UGGT1: variants seen among roughly 807,000 people sequenced by gnomAD.
UGGT1 encodes the protein UDP-glucose glycoprotein glucosyltransferase 1, also known as UDP-glucose:glycoprotein glucosyltransferase 1.
A neutral mutation model predicts 203.9 loss-of-function variants in UGGT1; 107 were observed. The ratio of observed to expected loss-of-function variants is 0.52; its 90% CI spans 0.45 to 0.62. The LOEUF (loss-of-function observed/expected upper bound fraction) is 0.62. Among genes scored for constraint, UGGT1 ranks in the 20% least tolerant of loss-of-function variants. The probability of loss-of-function intolerance (pLI) is 0.00; values close to 1 mark genes in which losing one functional copy is unlikely to be tolerated. For missense variants in UGGT1, 1,673 were observed against 1,867.2 expected, an observed-to-expected ratio of 0.90 and a Z score of 1.92; for synonymous variants, 628 against 653.5, an observed-to-expected ratio of 0.96 and a Z score of 0.59.
At chr2:128,182,925 T>C (rs74539218) in intron 37 of UGGT1, among the ~76,000 whole-genome samples, 1 of 150,716 alleles carries the variant, frequency 6.6e-6, no homozygotes, top group Admixed American at 6.6e-5. Flanking sequence ...TTTTTTTTTT[T>C]TTACTTAATG....
At chr2:128,171,485 A>T in intron 28 of UGGT1, 1 of 533,286 alleles carries the variant, frequency 1.9e-6, no homozygotes. Flanking sequence ...GGTGGCATTA[A>T]CCCAGGCTGC....
intron 23 of UGGT1, 121 bp downstream of exon 23, chr2:128,159,841 ATT>A: frequency 3.9e-5 from 34 of 862,244 alleles, no homozygotes; most frequent in Non-Finnish European, 4.8e-5. Flanking sequence ...GTCTCAGGGA[ATT>A]TTTTTTTTTA....
chr2:128,136,081 C>T (rs1689118681), intron 15 of UGGT1, among the ~76,000 whole-genome samples: 1 of 152,166 alleles, frequency 6.6e-6, no homozygotes, highest in South Asian at 2.1e-4. Context: ...ATTGCAAAGG[C>T]AGGTGAGAAG....
Position 128,187,813 on chromosome 2 carries a change from GT to G in UGGT1, c.4642+212del, listed in dbSNP as rs371196531. Among the ~76,000 whole-genome samples the G allele has an allele frequency of 2.6e-3, 372 of 143,012 alleles. 3 individuals carry two copies. The highest frequency in any genetic ancestry group is 7.9e-3 in the African/African-American group (308 of 39,124). 93.8% of individuals were successfully genotyped at this position (143,012 alleles called of 152,430 possible). A position where few individuals can be genotyped will look rare whatever the true frequency, so the allele number is the denominator to read the frequency against. ...CAGTATTTATTAGTGCAATTGCTAT[GT>G]TTTTTTTTTTTTCTCGTTTTTCTGG... is the stretch of plus-strand genomic sequence containing the variant. On this transcript the variant is annotated intron_variant, in intron 40 of 40. Coordinates refer to ENST00000259253, the MANE Select transcript of UGGT1 (RefSeq NM_020120.4).
At chr2:128,184,774 C>T (rs763864339) in intron 38 of UGGT1, among the ~76,000 whole-genome samples, 17 of 151,782 alleles carry the variant, frequency 1.1e-4, no homozygotes, top group African/African-American at 3.4e-4. Context: ...CTCCACCTCC[C>T]GGGTTCAAGT....
chr2:128,092,250 T>A (rs1573476406), intron 1 of UGGT1, among the ~76,000 whole-genome samples: 1 of 143,740 alleles, frequency 7.0e-6, no homozygotes, highest in Admixed American at 7.0e-5. Flanking sequence ...TTTTTTTTTT[T>A]AAGCCAGTCG....
At chr2:128,149,587 A>G (rs2105476471) in intron 18 of UGGT1, among the ~76,000 whole-genome samples, 1 of 151,356 alleles carries the variant, frequency 6.6e-6, no homozygotes, top group South Asian at 2.1e-4. Context: ...AACATGGTGA[A>G]ACCCCATCTC....
At chr2:128,128,005 C>T (rs776562786) in intron 12 of UGGT1, among the ~76,000 whole-genome samples, 14 of 151,812 alleles carry the variant, frequency 9.2e-5, no homozygotes, top group Admixed American at 6.6e-5. Flanking sequence ...ACCTGGGAGG[C>T]GGAGGTTGCA....
At chr2:128,176,599 A>G (rs533406795) in intron 31 of UGGT1, among the ~76,000 whole-genome samples, 62 of 152,074 alleles carry the variant, frequency 4.1e-4, no homozygotes, top group Non-Finnish European at 7.8e-4. Context: ...GGTAATTTGC[A>G]AGAGGACTCA....
In UGGT1 at chr2:128,176,810, A is replaced by G; in HGVS notation, c.3540-4A>G. 6.2e-7 allele frequency: 1 copy of G among 1,613,364 alleles called. No individual in the cohort carries two copies. Among genetic ancestry groups the G allele is most frequent in the Non-Finnish European group, 8.5e-7 (1 of 1,179,780 alleles). On this transcript the variant is annotated splice_polypyrimidine_tract_variant and splice_region_variant and intron_variant, in intron 31 of 40. Transcript: ENST00000259253. ...GTAATATTGATCTTTCTTTTCTCGC[A>G]AAGCCACGATGGCACTGATTCTCCC...
chr2:128,174,763 C>T lies in UGGT1; in HGVS notation c.3454-10C>T, dbSNP rs1319906369. ...GAAGAGAGCTAACTGGACTTTTCTT[C>T]TTGTCCTAGGGCTACTTTCAGCTGA... On this transcript the variant is annotated splice_polypyrimidine_tract_variant and intron_variant, in intron 30 of 40. Transcript: ENST00000259253. The T allele has an allele frequency of 5.6e-6, 9 of 1,605,742 alleles. No individual in the cohort carries two copies. Among genetic ancestry groups the T allele is most frequent in the Non-Finnish European group, 7.6e-6 (9 of 1,177,398 alleles).
chr2:128,183,996 A>T (rs1691850274), intron 38 of UGGT1, among the ~76,000 whole-genome samples: 2 of 151,904 alleles, frequency 1.3e-5, no homozygotes, highest in African/African-American at 4.8e-5. Context: ...CAGCGTGAAA[A>T]ATGTCATAGA....
In UGGT1 at chr2:128,155,475, A is replaced by G. The variant is rs753835857; in HGVS notation, c.2138-14A>G. 4 of 1,598,146 alleles carry G rather than the reference A, an allele frequency of 2.5e-6. No homozygotes were observed. In the South Asian group the frequency reaches 4.4e-5, roughly 18 times the overall value. On this transcript the variant is annotated splice_polypyrimidine_tract_variant and intron_variant, in intron 19 of 40. Coordinates refer to ENST00000259253, the MANE Select transcript of UGGT1 (RefSeq NM_020120.4). ...ACTGGAACTAATATATACGTATTTC[A>G]TTTTTTCTCCCAGATAACTTCTTTG... is the stretch of plus-strand genomic sequence containing the variant.
In UGGT1 at chr2:128,169,048, TAAAAAAAAAAAAAAAAAAAAAAAAAA is replaced by T. The variant is rs544381740; in HGVS notation, c.2922-1222_2922-1197del. Among the ~76,000 whole-genome samples, 98 of 52,576 alleles carry T rather than the reference TAAAAAAAAAAAAAAAAAAAAAAAAAA, an allele frequency of 1.9e-3. 1 individual carries two copies. Among genetic ancestry groups the T allele is most frequent in the East Asian group, 9.5e-3 (16 of 1,682 alleles). 34.5% of individuals were successfully genotyped at this position (52,576 alleles called of 152,430 possible). On this transcript the variant is annotated intron_variant, in intron 26 of 40. Transcript: ENST00000259253. ...GGGTGAATGAGCGAGACTCTGTCTT[TAAAAAAAAAAAAAAAAAAAAAAAAAA>T]AAAAAAAAAAAAAAAAAGACAAGGA...
At chr2:128,101,565 A>G (rs1167464111) in intron 2 of UGGT1, among the ~76,000 whole-genome samples, 1 of 152,244 alleles carries the variant, frequency 6.6e-6, no homozygotes, top group Non-Finnish European at 1.5e-5. Flanking sequence ...AAATTTTGTA[A>G]TGACCCAAGA....
At position 128,138,604 on chromosome 2, in the gene UGGT1, A is replaced by C. The variant is rs375398828; in HGVS notation, c.1584-113A>C. The C allele has an allele frequency of 1.6e-4, 203 of 1,292,816 alleles. No individual in the cohort carries two copies. The East Asian group carries it at 3.7e-3, about 23-fold the overall frequency. 80.1% of individuals were successfully genotyped at this position (1,292,816 alleles called of 1,614,324 possible). A position where few individuals can be genotyped will look rare whatever the true frequency, so the allele number is the denominator to read the frequency against. On this transcript the variant is annotated intron_variant, in intron 15 of 40. Transcript: ENST00000259253. ...AGGCTGTGAACTGTGCTTTTCACTC[A>C]AAGAGTTTTCCTCTGTTAGCTATAA... is the stretch of plus-strand genomic sequence containing the variant.
intron 19 of UGGT1, among the ~76,000 whole-genome samples, chr2:128,154,213 G>A (rs1690119679): frequency 1.3e-5 from 2 of 152,150 alleles, no homozygotes; most frequent in East Asian, 1.9e-4. Flanking sequence ...TGAAGTTTCA[G>A]TAGAGCAAGG....
chr2:128,100,761 T>G (rs1687341436), intron 2 of UGGT1, among the ~76,000 whole-genome samples: 1 of 152,118 alleles, frequency 6.6e-6, no homozygotes, highest in Admixed American at 6.5e-5. Context: ...TTTTGTTACT[T>G]TCACTTTTAT....
chr2:128,186,300 CTATACGTTTG>C (rs1416014235), intron 38 of UGGT1, among the ~76,000 whole-genome samples: 1 of 152,204 alleles, frequency 6.6e-6, no homozygotes, highest in East Asian at 1.9e-4. Flanking sequence ...CACTGATGTT[CTATACGTTTG>C]TCTCCACACG....
Sources: gnomAD v4.1 joint callset for allele counts (sites outside exome capture counted in the v4.1 genomes callset) on GRCh38, gnomAD v4.1.1 for gene constraint, MANE v1.5 for transcripts, NCBI Gene and HGNC (gene_info 2026-07-23, HGNC 2026-07-21) for gene names.